GDA: variants seen among roughly 807,000 people sequenced by gnomAD.
GDA encodes the protein cytoplasmic PSD-95 interactor.
In GDA, 18 loss-of-function variants were observed where a neutral mutation model predicts 59.6. That is an observed-to-expected ratio of 0.30 (90% CI 0.21 to 0.45). The LOEUF (loss-of-function observed/expected upper bound fraction) is 0.45. GDA is among the 20% of genes least tolerant of loss of function. GDA has a pLI of 1.00. For missense variants in GDA, 427 were observed against 552.3 expected, an observed-to-expected ratio of 0.77 and a Z score of 2.27; for synonymous variants, 201 against 201.1, an observed-to-expected ratio of 1.00 and a Z score of 0.00.
rs1830523001 is a variant in GDA, at chr9:72,176,199, T to C, written c.124-19301T>C. On this transcript the variant is annotated intron_variant, in intron 1 of 13. Coordinates refer to ENST00000358399, the MANE Select transcript of GDA (RefSeq NM_004293.5). ...CATGACTGCAAGCTAGTGTTAGCTG[T>C]TGGCAGGAATCCTTGGTTTCTTGCC... 2.0e-5 allele frequency among the ~76,000 whole-genome samples: 3 copies of C among 152,322 alleles called. No individual in the cohort carries two copies. The South Asian group carries it at 6.2e-4, about 32-fold the overall frequency.
chr9:72,204,000 A>G (rs1023665599), intron 3 of GDA, among the ~76,000 whole-genome samples: 3 of 152,098 alleles, frequency 2.0e-5, no homozygotes, highest in Non-Finnish European at 4.4e-5. Context: ...TATTTTTAGT[A>G]GAGACGGGGT....
chr9:72,143,760 G>A (rs189893011), intron 1 of GDA, among the ~76,000 whole-genome samples: 1 of 152,168 alleles, frequency 6.6e-6, no homozygotes, highest in African/African-American at 2.4e-5. Flanking sequence ...CAAACTTCTA[G>A]GCTACTATCT....
intron 1 of GDA, among the ~76,000 whole-genome samples, chr9:72,123,260 T>A (rs1407505223): frequency 6.8e-6 from 1 of 147,950 alleles, no homozygotes. Flanking sequence ...CTCGGCTCAC[T>A]GCAAGCTCCG....
chr9:72,214,134 G>T, intron 5 of GDA, 143 bp downstream of exon 5: 1 of 590,568 alleles, frequency 1.7e-6, no homozygotes, highest in Non-Finnish European at 3.1e-6. Context: ...TCTGTTTAAT[G>T]CAATGGGTCG....
chr9:72,242,429 G>C (rs1839719427), intron 11 of GDA, among the ~76,000 whole-genome samples: 1 of 152,184 alleles, frequency 6.6e-6, no homozygotes, highest in African/African-American at 2.4e-5. Context: ...CATGTAATCA[G>C]AATGGATGAT....
At chr9:72,192,428 C>G (rs1451708439) in intron 1 of GDA, among the ~76,000 whole-genome samples, 1 of 150,364 alleles carries the variant, frequency 6.7e-6, no homozygotes, top group Non-Finnish European at 1.5e-5. Flanking sequence ...GACGGGTTTT[C>G]ACCAAGTTGG....
chr9:72,135,506 C>CCTT (rs1431326176), intron 1 of GDA, among the ~76,000 whole-genome samples: 1 of 152,134 alleles, frequency 6.6e-6, no homozygotes, highest in Non-Finnish European at 1.5e-5. Context: ...GATTCCAAAT[C>CCTT]CCAGGCTCTT....
At chr9:72,181,676 G>A (rs1475955201) in intron 1 of GDA, among the ~76,000 whole-genome samples, 1 of 151,574 alleles carries the variant, frequency 6.6e-6, no homozygotes, top group Non-Finnish European at 1.5e-5. Flanking sequence ...GTCTTGCTCT[G>A]TCACCTGGGA....
chr9:72,165,880 A>G (rs566487839), intron 1 of GDA, among the ~76,000 whole-genome samples: 19 of 151,654 alleles, frequency 1.3e-4, no homozygotes, highest in African/African-American at 3.4e-4. Flanking sequence ...CCTGGGTGAC[A>G]GAGCAAGACT....
intron 1 of GDA, among the ~76,000 whole-genome samples, chr9:72,134,018 C>T (rs78598111): frequency 0.012 from 1,802 of 152,246 alleles, 30 homozygotes; most frequent in African/African-American, 0.041. Context: ...AGATTCTCTA[C>T]TTCTTGTGTA....
intron 3 of GDA, among the ~76,000 whole-genome samples, chr9:72,206,978 G>A (rs1381130679): frequency 6.6e-6 from 1 of 151,762 alleles, no homozygotes; most frequent in East Asian, 1.9e-4. Context: ...CTTAGCTGTA[G>A]AGAGAATTCT....
chr9:72,258,943 G>A (rs1445862855), downstream of GDA, among the ~76,000 whole-genome samples: 1 of 152,126 alleles, frequency 6.6e-6, no homozygotes, highest in Non-Finnish European at 1.5e-5. Context: ...CCAGGGATTG[G>A]GATGGTCAGA....
intron 1 of GDA, among the ~76,000 whole-genome samples, chr9:72,163,928 T>G (rs995286815): frequency 1.5e-4 from 23 of 152,172 alleles, no homozygotes; most frequent in African/African-American, 5.5e-4. Context: ...GAGCAATGTT[T>G]TGTTCCCTGA....
At chr9:72,167,640 C>T (rs186842173) in intron 1 of GDA, among the ~76,000 whole-genome samples, 61 of 152,286 alleles carry the variant, frequency 4.0e-4, no homozygotes, top group African/African-American at 1.4e-3. Flanking sequence ...CTCACAGGCC[C>T]TCAGAATGTA....
At chr9:72,219,317 G>A (rs904340903) in intron 5 of GDA, among the ~76,000 whole-genome samples, 162 bp from the exon 6 acceptor site, 4 of 151,914 alleles carry the variant, frequency 2.6e-5, no homozygotes, top group Non-Finnish European at 5.9e-5. Flanking sequence ...GCAGGAGAAC[G>A]GCGTGAACCC....
At chr9:72,130,426 A>G (rs137983791) in intron 1 of GDA, among the ~76,000 whole-genome samples, 101 of 152,360 alleles carry the variant, frequency 6.6e-4, no homozygotes, top group African/African-American at 2.3e-3. Flanking sequence ...CTTACAAAAA[A>G]GTGACCATTA....
intron 1 of GDA, among the ~76,000 whole-genome samples, chr9:72,137,404 G>A (rs955294983): frequency 4.0e-5 from 6 of 151,522 alleles, no homozygotes; most frequent in African/African-American, 7.3e-5. Context: ...CTGCCACCAC[G>A]CCCGGCTAAT....
At chr9:72,124,105 T>C (rs1825768213) in intron 1 of GDA, among the ~76,000 whole-genome samples, 2 of 152,140 alleles carry the variant, frequency 1.3e-5, no homozygotes, top group South Asian at 2.1e-4. Context: ...GGCCAACCTC[T>C]AGCAACAGGA....
At chr9:72,132,550 T>G (rs1241524904) in intron 1 of GDA, among the ~76,000 whole-genome samples, 1 of 152,188 alleles carries the variant, frequency 6.6e-6, no homozygotes, top group Non-Finnish European at 1.5e-5. Context: ...AAATGACAAG[T>G]GCAGATATCT....
Sources: allele counts gnomAD v4.1 joint callset (sites outside exome capture counted in the v4.1 genomes callset), GRCh38; gene constraint gnomAD v4.1.1; transcripts MANE v1.5; gene names NCBI Gene and HGNC (gene_info 2026-07-23, HGNC 2026-07-21).